Variants in CNOT4 observed in about 807,000 individuals in gnomAD.
CNOT4 encodes the protein CCR4-NOT transcription complex subunit 4, also known as CCR4-associated factor 4.
In CNOT4, 8 loss-of-function variants were observed where a neutral mutation model predicts 73.8. The observed-to-expected ratio is 0.11, with a 90% CI of 0.06 to 0.20. CNOT4 has a LOEUF of 0.20. Ranked by LOEUF, CNOT4 falls within the 10% of genes least tolerant of loss-of-function variation. The pLI, the probability that CNOT4 is intolerant of heterozygous loss-of-function variation, is 1.00. For synonymous variants in CNOT4, 293 were observed against 321.1 expected, an observed-to-expected ratio of 0.91 and a Z score of 0.94; for missense variants, 564 against 883.4, an observed-to-expected ratio of 0.64 and a Z score of 4.58.
At chr7:135,443,119 G>A (rs1370647571) in intron 1 of CNOT4, among the ~76,000 whole-genome samples, 1 of 151,562 alleles carries the variant, frequency 6.6e-6, no homozygotes, top group Non-Finnish European at 1.5e-5. Flanking sequence ...TGGAGGCCAA[G>A]GCAGATGGAT....
chr7:135,494,581 C>T (rs1803336186), intron 1 of CNOT4, among the ~76,000 whole-genome samples: 1 of 151,684 alleles, frequency 6.6e-6, no homozygotes, highest in South Asian at 2.1e-4. Context: ...ATATTGAGCA[C>T]CTATTATGTG....
chr7:135,482,539 G>A (rs1802447417), intron 1 of CNOT4, among the ~76,000 whole-genome samples: 2 of 151,782 alleles, frequency 1.3e-5, no homozygotes, highest in South Asian at 2.1e-4. Flanking sequence ...CTGACAGAGC[G>A]AGACCCTGTA....
At chr7:135,433,934 C>T (rs1453326107) in intron 2 of CNOT4, among the ~76,000 whole-genome samples, 1 of 152,188 alleles carries the variant, frequency 6.6e-6, no homozygotes, top group African/African-American at 2.4e-5. Context: ...CAAACGGGAA[C>T]ACTAAACTCT....
intron 1 of CNOT4, among the ~76,000 whole-genome samples, chr7:135,441,449 TTC>T (rs1347020637): frequency 6.6e-6 from 1 of 151,774 alleles, no homozygotes; most frequent in Non-Finnish European, 1.5e-5. Flanking sequence ...ACTATCAGTT[TTC>T]AGCATATATA....
In CNOT4 at chr7:135,388,373, T is replaced by C. The variant is rs941907078; in HGVS notation, c.1627+5545A>G. ...CTTCTCAAGTATTCAAAGAATGCAATAGACATTATCTTGTTAATTTGCAAA... is the reference window on the plus strand; with the variant it reads ...CTTCTCAAGTATTCAAAGAATGCAACAGACATTATCTTGTTAATTTGCAAA... On this transcript the variant is annotated intron_variant, in intron 10 of 11. Coordinates refer to ENST00000541284, the MANE Select transcript of CNOT4 (RefSeq NM_001190850.2). The C allele has an allele frequency of 2.3e-5, 23 of 984,368 alleles. 1 individual carries two copies. Among genetic ancestry groups the C allele is most frequent in the African/African-American group, 1.7e-4 (10 of 57,256 alleles). 61.0% of individuals were successfully genotyped at this position (984,368 alleles called of 1,614,324 possible).
intron 10 of CNOT4, among the ~76,000 whole-genome samples, chr7:135,383,081 T>A (rs1795936174): frequency 6.6e-6 from 1 of 152,236 alleles, no homozygotes; most frequent in African/African-American, 2.4e-5. Flanking sequence ...AATATTTTTA[T>A]AACCTGTTAC....
chr7:135,483,197 A>G (rs1802497994), intron 1 of CNOT4, among the ~76,000 whole-genome samples: 1 of 143,766 alleles, frequency 7.0e-6, no homozygotes, highest in South Asian at 2.3e-4. Context: ...AAAAAAAAAA[A>G]TCAGCTGCCA....
At chr7:135,404,134 A>T (rs1243902269) in intron 7 of CNOT4, among the ~76,000 whole-genome samples, 1 of 152,214 alleles carries the variant, frequency 6.6e-6, no homozygotes, top group African/African-American at 2.4e-5. Flanking sequence ...GCATATGCAC[A>T]TGTGCACTAA....
chr7:135,389,814 A>T (rs2059366), intron 10 of CNOT4, among the ~76,000 whole-genome samples: 5,713 of 152,218 alleles, frequency 0.038, 335 homozygotes, highest in African/African-American at 0.12. Context: ...TTGGCAGAAT[A>T]TTTTTTTAAA....
At chr7:135,388,618 T>TAATGAAGA (rs1292090988) in intron 10 of CNOT4, 1 of 1,239,706 alleles carries the variant, frequency 8.1e-7, no homozygotes, top group South Asian at 3.1e-5. Flanking sequence ...GTTAAAGGCC[T>TAATGAAGA]AATGAAGAAA....
chr7:135,468,445 C>A (rs574075047), intron 1 of CNOT4, among the ~76,000 whole-genome samples: 1 of 152,006 alleles, frequency 6.6e-6, no homozygotes, highest in Non-Finnish European at 1.5e-5. Flanking sequence ...CTTTGGGAGG[C>A]CAAGGCAGGT....
At chr7:135,503,040 C>A (rs776681833) in intron 1 of CNOT4, among the ~76,000 whole-genome samples, 6 of 151,622 alleles carry the variant, frequency 4.0e-5, no homozygotes, top group Non-Finnish European at 7.4e-5. Flanking sequence ...GTAGTTCTAG[C>A]TACTTGGGAG....
chr7:135,463,663 A>G (rs572965396), intron 1 of CNOT4, among the ~76,000 whole-genome samples: 5 of 152,166 alleles, frequency 3.3e-5, no homozygotes, highest in South Asian at 2.1e-4. Flanking sequence ...CAACTGCAAC[A>G]AAAGCAAAAA....
intron 1 of CNOT4, among the ~76,000 whole-genome samples, chr7:135,469,256 A>G (rs1351828200): frequency 1.3e-5 from 2 of 152,184 alleles, no homozygotes; most frequent in Non-Finnish European, 2.9e-5. Context: ...GAACATATCT[A>G]GAGTTCAGAA....
Position 135,420,577 on chromosome 7 carries a change from C to CAAAAA in CNOT4, c.372+1574_372+1578dup, listed in dbSNP as rs71174521. On this transcript the variant is annotated intron_variant, in intron 3 of 11. Coordinates refer to ENST00000541284, the MANE Select transcript of CNOT4 (RefSeq NM_001190850.2). ...GGGTGACAAAGTGAGACCATGTCTCCAAAAAAAAAAAAAAAAAAAAAAGTA... is the reference window on the plus strand; with the variant it reads ...GGGTGACAAAGTGAGACCATGTCTCCAAAAAAAAAAAAAAAAAAAAAAAAAAAGTA... Among the ~76,000 whole-genome samples, 53 of 53,362 alleles carry CAAAAA rather than the reference C, an allele frequency of 9.9e-4. 1 individual carries two copies. Among genetic ancestry groups the CAAAAA allele is most frequent in the Non-Finnish European group, 1.7e-3 (47 of 28,194 alleles). 35.0% of individuals were successfully genotyped at this position (53,362 alleles called of 152,430 possible). A position where few individuals can be genotyped will look rare whatever the true frequency, so the allele number is the denominator to read the frequency against.
chr7:135,443,613 T>TA (rs1452596438), intron 1 of CNOT4, among the ~76,000 whole-genome samples: 3 of 152,200 alleles, frequency 2.0e-5, no homozygotes, highest in Non-Finnish European at 4.4e-5. Context: ...TTTAAAAAGT[T>TA]AAACTCTATG....
intron 1 of CNOT4, among the ~76,000 whole-genome samples, chr7:135,443,942 G>A (rs1263061332): frequency 1.3e-5 from 2 of 151,752 alleles, no homozygotes; most frequent in Non-Finnish European, 2.9e-5. Context: ...TGAGCCCAGG[G>A]GTTCGAGACC....
rs578017727 is a variant in CNOT4 at position 135,406,486 on chromosome 7, G to A, written c.821+4029C>T. 1.5e-4 allele frequency among the ~76,000 whole-genome samples: 23 copies of A among 151,522 alleles called. No individual in the cohort carries two copies. The East Asian group carries it at 4.3e-3, about 28-fold the overall frequency. ...ACCAGCCTGGGCAACATGGTGAAAC[G>A]CCATCTCTACAAAAAAAAAGAAAAA... is the stretch of plus-strand genomic sequence containing the variant. On this transcript the variant is annotated intron_variant, in intron 7 of 11. Transcript: ENST00000541284.
intron 1 of CNOT4, among the ~76,000 whole-genome samples, chr7:135,459,182 A>T (rs1162161417): frequency 3.9e-5 from 6 of 152,050 alleles, no homozygotes; most frequent in African/African-American, 1.4e-4. Flanking sequence ...TCACCAGGGC[A>T]ATGCACAGGG....
Sources: gnomAD v4.1 joint callset for allele counts (sites outside exome capture counted in the v4.1 genomes callset) on GRCh38, gnomAD v4.1.1 for gene constraint, MANE v1.5 for transcripts, NCBI Gene and HGNC (gene_info 2026-07-23, HGNC 2026-07-21) for gene names.